Variants in GPHN observed in about 807,000 individuals in gnomAD.
GPHN encodes gephyrin.
GPHN carries 17 observed loss-of-function variants against 95.5 expected under a neutral mutation model. The ratio of observed to expected loss-of-function variants is 0.18; its 90% CI spans 0.12 to 0.27. The LOEUF (loss-of-function observed/expected upper bound fraction) is 0.27, where lower values mean the gene tolerates loss of function less well. Among genes scored for constraint, GPHN ranks in the 10% least tolerant of loss-of-function variants. The pLI, the probability that GPHN is intolerant of heterozygous loss-of-function variation, is 1.00. For missense variants in GPHN, 660 were observed against 978.1 expected (o/e 0.67, Z 4.34); for synonymous variants, 320 against 322.5 (o/e 0.99, Z 0.08).
At chr14:66,907,673 AG>A (rs1384893739) in intron 5 of GPHN, among the ~76,000 whole-genome samples, 1 of 152,178 alleles carries the variant, frequency 6.6e-6, no homozygotes, top group African/African-American at 2.4e-5. Context: ...GGAGGGGAAA[AG>A]TACTGACCTA....
intron 1 of GPHN, among the ~76,000 whole-genome samples, chr14:66,631,590 C>G (rs994361303): frequency 1.3e-5 from 2 of 152,056 alleles, no homozygotes; most frequent in Non-Finnish European, 2.9e-5. Context: ...CTCATAGATT[C>G]AAAGCTAGCT....
At chr14:66,547,648 A>G (rs2059650529) in intron 1 of GPHN, among the ~76,000 whole-genome samples, 1 of 152,234 alleles carries the variant, frequency 6.6e-6, no homozygotes, top group Admixed American at 6.5e-5. Flanking sequence ...GTGTGGTGAT[A>G]TATCCTGTAC....
At chr14:66,574,912 C>G (rs1188093279) in intron 1 of GPHN, among the ~76,000 whole-genome samples, 1 of 152,190 alleles carries the variant, frequency 6.6e-6, no homozygotes, top group Non-Finnish European at 1.5e-5. Context: ...TGTTTTCAGG[C>G]TGTTGGACTT....
At chr14:66,648,108 G>A (rs962024512) in intron 1 of GPHN, among the ~76,000 whole-genome samples, 3 of 152,132 alleles carry the variant, frequency 2.0e-5, no homozygotes, top group African/African-American at 7.2e-5. Context: ...ATTTTGTGGA[G>A]CAAAGCTTTT....
the GPHN span, among the ~76,000 whole-genome samples, chr14:67,490,817 G>A: frequency 6.6e-6 from 1 of 151,840 alleles, no homozygotes; most frequent in Non-Finnish European, 1.5e-5. Flanking sequence ...AAATCTCCCT[G>A]TAAAGGAAAA....
At chr14:67,487,394 T>A in the GPHN span, among the ~76,000 whole-genome samples, 18 of 152,306 alleles carry the variant, frequency 1.2e-4, no homozygotes, top group African/African-American at 3.8e-4. Flanking sequence ...AATCCACATG[T>A]CCAGGGTTAG....
At chr14:67,323,854 C>T in the GPHN span, 1 of 1,008,036 alleles carries the variant, frequency 9.9e-7, no homozygotes, top group East Asian at 2.8e-5. Flanking sequence ...TGAAGGTAAA[C>T]ATGAAACAGT....
chr14:66,612,281 AT>A (rs913200555), intron 1 of GPHN, among the ~76,000 whole-genome samples: 7 of 151,468 alleles, frequency 4.6e-5, no homozygotes, highest in South Asian at 2.1e-4. Context: ...CTTCTTTTTA[AT>A]TTTTTTGTAT....
intron 1 of GPHN, among the ~76,000 whole-genome samples, chr14:66,630,106 T>TAA (rs2063734861): frequency 1.3e-5 from 2 of 152,160 alleles, no homozygotes; most frequent in Non-Finnish European, 2.9e-5. Flanking sequence ...TACTGGAACT[T>TAA]ACTGGACAGC....
At chr14:67,562,519 G>T in the GPHN span, 5 of 1,610,522 alleles carry the variant, frequency 3.1e-6, no homozygotes, top group Admixed American at 1.7e-5. Context: ...TGCTCCCTGG[G>T]ACAAAGACCT....
At chr14:67,658,263 T>G in the GPHN span, among the ~76,000 whole-genome samples, 1 of 152,276 alleles carries the variant, frequency 6.6e-6, no homozygotes, top group South Asian at 2.1e-4. Context: ...GAACAATACT[T>G]TTTCTGAAGG....
At chr14:67,286,292 T>C in the GPHN span, among the ~76,000 whole-genome samples, 1 of 152,192 alleles carries the variant, frequency 6.6e-6, no homozygotes, top group East Asian at 1.9e-4. Flanking sequence ...TCTCTGTCCA[T>C]GTGGTTCCTT....
chr14:67,169,892 CGT>C (rs1567441982), intron 21 of GPHN, among the ~76,000 whole-genome samples: 1 of 152,154 alleles, frequency 6.6e-6, no homozygotes, highest in Non-Finnish European at 1.5e-5. Context: ...GCCTGGCCAA[CGT>C]GGTGAAACCC....
At chr14:67,682,050 A>G in the GPHN span, among the ~76,000 whole-genome samples, 2 of 152,184 alleles carry the variant, frequency 1.3e-5, no homozygotes, top group Admixed American at 6.5e-5. Context: ...CACAGCAAGA[A>G]GGCCCTAACC....
the GPHN span, among the ~76,000 whole-genome samples, chr14:67,232,502 T>C: frequency 6.6e-6 from 1 of 152,226 alleles, no homozygotes; most frequent in South Asian, 2.1e-4. Context: ...TCTGGCTTCC[T>C]GACCTGCAGC....
intron 11 of GPHN, among the ~76,000 whole-genome samples, chr14:67,079,272 A>G (rs939418817): frequency 1.3e-5 from 2 of 152,220 alleles, no homozygotes; most frequent in Non-Finnish European, 2.9e-5. Flanking sequence ...CATCACCACA[A>G]TTTTAGAAGA....
At chr14:67,237,516 T>C in the GPHN span, among the ~76,000 whole-genome samples, 1 of 151,532 alleles carries the variant, frequency 6.6e-6, no homozygotes, top group Non-Finnish European at 1.5e-5. Flanking sequence ...GAGAAGGGGG[T>C]CTTGCTGTGT....
intron 1 of GPHN, among the ~76,000 whole-genome samples, chr14:66,591,376 G>T (rs2061642533): frequency 6.6e-6 from 1 of 152,152 alleles, no homozygotes; most frequent in Non-Finnish European, 1.5e-5. Flanking sequence ...GTCTCTCTTT[G>T]CAGATAACAT....
the GPHN span, among the ~76,000 whole-genome samples, chr14:67,700,387 A>C: frequency 1.3e-5 from 2 of 152,166 alleles, no homozygotes; most frequent in Non-Finnish European, 2.9e-5. Flanking sequence ...TAAACATTTT[A>C]GCATCAGGCC....
Sources: gnomAD v4.1 joint callset for allele counts (sites outside exome capture counted in the v4.1 genomes callset) on GRCh38, gnomAD v4.1.1 for gene constraint, MANE v1.5 for transcripts, NCBI Gene and HGNC (gene_info 2026-07-23, HGNC 2026-07-21) for gene names.